The following FARP2 variants were observed in gnomAD, a reference collection of about 807,000 sequenced individuals.
FARP2 encodes FERM, ARHGEF and pleckstrin domain-containing protein 2.
Under a neutral mutation model 130.5 loss-of-function variants are expected in FARP2, and 111 were observed. The observed-to-expected ratio is 0.85, with a 90% CI of 0.73 to 1.00. The LOEUF (loss-of-function observed/expected upper bound fraction) is 1.00, where lower values mean the gene tolerates loss of function less well. FARP2 is among the 50% of genes least tolerant of loss of function. FARP2 has a pLI of 0.00. For synonymous variants in FARP2, 504 were observed against 516.9 expected (o/e 0.98, Z 0.34); for missense variants, 1,385 against 1,346.3 (o/e 1.03, Z -0.45).
intron 17 of FARP2, chr2:241,466,350 C>G: frequency 1.0e-6 from 1 of 985,466 alleles, no homozygotes; most frequent in Non-Finnish European, 1.2e-6. Context: ...TATACAACTC[C>G]TGGAGCGCCT....
At chr2:241,402,836 T>TTTTTTTTATA (rs1463491106) in intron 2 of FARP2, among the ~76,000 whole-genome samples, 1 of 16,832 alleles carries the variant, frequency 5.9e-5, no homozygotes, top group Non-Finnish European at 1.1e-4. Flanking sequence ...CCCAGCTAAT[T>TTTTTTTTATA]TATATATATA....
At chr2:241,455,404 G>T (rs920053235) in intron 13 of FARP2, among the ~76,000 whole-genome samples, 1 of 152,174 alleles carries the variant, frequency 6.6e-6, no homozygotes, top group Non-Finnish European at 1.5e-5. Context: ...TTTTGAGATG[G>T]AGTCTCACTC....
At position 241,411,064 on chromosome 2, in the gene FARP2, C is replaced by T. The variant is rs1247277406; in HGVS notation, c.442C>T (p.Leu148=). 5 of 1,611,950 alleles carry T rather than the reference C, an allele frequency of 3.1e-6. No homozygotes were observed. Among genetic ancestry groups the T allele is most frequent in the Non-Finnish European group, 4.2e-6 (5 of 1,178,992 alleles). Residue 148 remains leucine, a synonymous_variant, in exon 6 of 27, where the codon CTG becomes TTG. Transcript: ENST00000264042. ...GTTTGCCTTGCAACTTAAGAGAGAC[C>T]TGCTGGAAGAGCGTTTGACCTGTGC... is the stretch of plus-strand genomic sequence containing the variant. ...YLFALQLKRD[L]LEERLTCADT... is the part of the protein sequence containing the mutation.
At chr2:241,419,692 G>A (rs1231218084) in intron 8 of FARP2, among the ~76,000 whole-genome samples, 3 of 152,190 alleles carry the variant, frequency 2.0e-5, no homozygotes, top group African/African-American at 7.2e-5. Context: ...CAAAGTCACA[G>A]TGCAAGCCAA....
intron 5 of FARP2, among the ~76,000 whole-genome samples, chr2:241,408,984 A>C (rs2062439378): frequency 6.6e-6 from 1 of 152,116 alleles, no homozygotes; most frequent in Non-Finnish European, 1.5e-5. Context: ...TTTACCAAAA[A>C]AAAAGTCTCT....
chr2:241,429,726 G>A (rs1256575505), intron 8 of FARP2, among the ~76,000 whole-genome samples: 1 of 151,940 alleles, frequency 6.6e-6, no homozygotes, highest in Non-Finnish European at 1.5e-5. Context: ...TCTACAAAAG[G>A]TCCTGCTGGC....
At chr2:241,440,182 C>T (rs371795306) in intron 12 of FARP2, among the ~76,000 whole-genome samples, 1 of 152,164 alleles carries the variant, frequency 6.6e-6, no homozygotes, top group Non-Finnish European at 1.5e-5. Context: ...TATGGTAACA[C>T]GTGCATGTGT....
chr2:241,373,677 C>T (rs982309848), intron 2 of FARP2, among the ~76,000 whole-genome samples: 2 of 152,138 alleles, frequency 1.3e-5, no homozygotes, highest in Non-Finnish European at 2.9e-5. Flanking sequence ...TGTCAGCTTC[C>T]TTTTCTGAAA....
At chr2:241,434,346 T>C (rs193191954) in intron 10 of FARP2, 25 bp downstream of exon 10, 3 of 1,554,456 alleles carry the variant, frequency 1.9e-6, no homozygotes, top group East Asian at 2.3e-5. Context: ...GTGGCTTGCA[T>C]GGGCCCCTCA....
At position 241,443,644 on chromosome 2, in the gene FARP2, TAGGTCCATCC is replaced by T. The variant is rs1296613193; in HGVS notation, c.1411+2092_1411+2101del. 2.0e-5 allele frequency: 3 copies of T among 152,410 alleles called. No individual in the cohort carries two copies. The East Asian group carries it at 5.8e-4, about 29-fold the overall frequency. The allele number at this position is 152,410 out of a possible 1,614,324, so 9.4% of individuals were successfully genotyped here. ...GCTGATGTTTGTGGCACAGAGTGGG[TAGGTCCATCC>T]AGGGACGTCATGGGGAAACCACTGC... is the stretch of plus-strand genomic sequence containing the variant. On this transcript the variant is annotated intron_variant, in intron 13 of 26. Coordinates refer to ENST00000264042, the MANE Select transcript of FARP2 (RefSeq NM_014808.4).
chr2:241,437,662 A>ATTTTTTTTTTT (rs1254102658), intron 12 of FARP2, among the ~76,000 whole-genome samples: 26 of 135,404 alleles, frequency 1.9e-4, no homozygotes, highest in Admixed American at 1.1e-3. Context: ...TTATTTATTT[A>ATTTTTTTTTTT]TTTATTTATT....
chr2:241,400,816 A>G (rs1267020220), intron 2 of FARP2, among the ~76,000 whole-genome samples: 1 of 152,180 alleles, frequency 6.6e-6, no homozygotes, highest in Non-Finnish European at 1.5e-5. Flanking sequence ...TGGCTTTGAA[A>G]GAACTTCATA....
intron 2 of FARP2, among the ~76,000 whole-genome samples, chr2:241,393,480 C>T (rs916207122): frequency 3.3e-5 from 5 of 151,992 alleles, no homozygotes; most frequent in East Asian, 1.9e-4. Context: ...TCCTTTTGAG[C>T]GCTCAAGATT....
rs1172862362 is a variant in FARP2, at chr2:241,464,101, C to T, written c.1893+121C>T. ...GAAAAGGGTCCCCTCAGAACAGGAT[C>T]CCCCTCAGAGTAGGGTCTCCTTAGA... On this transcript the variant is annotated intron_variant, in intron 17 of 26. Transcript: ENST00000264042. 5.2e-6 allele frequency: 4 copies of T among 763,414 alleles called. No individual in the cohort carries two copies. The East Asian group carries it at 8.4e-5, about 16-fold the overall frequency. 47.3% of individuals were successfully genotyped at this position (763,414 alleles called of 1,614,324 possible).
intron 7 of FARP2, among the ~76,000 whole-genome samples, chr2:241,415,411 A>T (rs2062638918): frequency 6.6e-6 from 1 of 152,180 alleles, no homozygotes; most frequent in Non-Finnish European, 1.5e-5. Flanking sequence ...AGGGTTGGGG[A>T]TAGTCTCTCC....
chr2:241,376,077 T>G (rs1361691749), intron 2 of FARP2, among the ~76,000 whole-genome samples: 1 of 152,186 alleles, frequency 6.6e-6, no homozygotes, highest in African/African-American at 2.4e-5. Flanking sequence ...GTTTGTTGGT[T>G]TGGAGGCTCT....
chr2:241,402,946 ATCCTGAAC>A (rs1451498209), intron 2 of FARP2, among the ~76,000 whole-genome samples: 2 of 101,292 alleles, frequency 2.0e-5, no homozygotes, highest in Non-Finnish European at 3.6e-5. Flanking sequence ...GCCCAGGCTT[ATCCTGAAC>A]TCCTGTACTC....
At chr2:241,457,346 T>C (rs902520947) in intron 14 of FARP2, among the ~76,000 whole-genome samples, 2 of 149,734 alleles carry the variant, frequency 1.3e-5, no homozygotes, top group Admixed American at 6.7e-5. Context: ...ATTGAGTAAC[T>C]GGGAGGAAAG....
chr2:241,366,707 A>G (rs2061328358), intron 1 of FARP2, among the ~76,000 whole-genome samples: 1 of 152,102 alleles, frequency 6.6e-6, no homozygotes, highest in Admixed American at 6.5e-5. Flanking sequence ...GAAATCAAGA[A>G]CACATTTTCT....
Sources: gnomAD v4.1 joint callset for allele counts (sites outside exome capture counted in the v4.1 genomes callset) on GRCh38, gnomAD v4.1.1 for gene constraint, MANE v1.5 for transcripts, NCBI Gene and HGNC (gene_info 2026-07-23, HGNC 2026-07-21) for gene names.